Variants in NPSR1 observed in about 807,000 individuals in gnomAD.
NPSR1 encodes the protein neuropeptide S receptor 1.
Under a neutral mutation model 46.9 loss-of-function variants are expected in NPSR1, and 48 were observed. The observed-to-expected ratio is 1.02, with a 90% CI of 0.81 to 1.30. The LOEUF (loss-of-function observed/expected upper bound fraction) is 1.30. Ranked by LOEUF, NPSR1 falls within the 50% of genes most tolerant of loss-of-function variation. The pLI, the probability that NPSR1 is intolerant of heterozygous loss-of-function variation, is 0.00. For missense variants in NPSR1, 450 were observed against 449.5 expected (o/e 1.00, Z -0.01); for synonymous variants, 176 against 168.1 (o/e 1.05, Z -0.36).
chr7:34,826,278 A>G (rs1448324904), intron 4 of NPSR1, among the ~76,000 whole-genome samples: 1 of 152,186 alleles, frequency 6.6e-6, no homozygotes, highest in Non-Finnish European at 1.5e-5. Context: ...ATCTCTTTTC[A>G]GTGCATACAA....
At chr7:34,814,639 T>C (rs1159944685) in intron 4 of NPSR1, among the ~76,000 whole-genome samples, 1 of 152,216 alleles carries the variant, frequency 6.6e-6, no homozygotes, top group Non-Finnish European at 1.5e-5. Context: ...CATCTCCCAG[T>C]AGGGGCCAAC....
chr7:34,796,821 T>C (rs942286607), intron 3 of NPSR1, among the ~76,000 whole-genome samples: 1 of 152,204 alleles, frequency 6.6e-6, no homozygotes. Flanking sequence ...ATTGTGCTCC[T>C]GGGTATTTAC....
intron 2 of NPSR1, among the ~76,000 whole-genome samples, chr7:34,717,163 G>A (rs187298973): frequency 7.4e-4 from 112 of 152,218 alleles, no homozygotes; most frequent in Non-Finnish European, 1.5e-3. Context: ...ACAGAGTTTC[G>A]CTCTTGTTGC....
chr7:34,721,534 C>G (rs34144499), intron 2 of NPSR1, among the ~76,000 whole-genome samples: 1,737 of 152,286 alleles, frequency 0.011, 27 homozygotes, highest in African/African-American at 0.036. Flanking sequence ...ATTCTCTCAA[C>G]TAACACTTAT....
At chr7:34,767,347 T>C (rs1458115976) in intron 2 of NPSR1, among the ~76,000 whole-genome samples, 1 of 152,170 alleles carries the variant, frequency 6.6e-6, no homozygotes, top group Non-Finnish European at 1.5e-5. Context: ...CCATGATTAA[T>C]AGGTTAAAGT....
At chr7:34,872,381 T>C (rs754915007) in intron 8 of NPSR1, among the ~76,000 whole-genome samples, 38 of 151,994 alleles carry the variant, frequency 2.5e-4, no homozygotes, top group South Asian at 4.1e-4. Flanking sequence ...ACTTCTAAAG[T>C]GCCTTCAAGG....
chr7:34,809,503 G>A (rs111267907), intron 3 of NPSR1, among the ~76,000 whole-genome samples: 9,319 of 131,818 alleles, frequency 0.071, 895 homozygotes, highest in African/African-American at 0.23. Context: ...TCGCTCTGTC[G>A]CCCAGGCTGG....
At chr7:34,875,339 A>G (rs1447810093) in intron 8 of NPSR1, among the ~76,000 whole-genome samples, 2 of 152,234 alleles carry the variant, frequency 1.3e-5, no homozygotes, top group African/African-American at 4.8e-5. Flanking sequence ...CTAAACTTGC[A>G]TTTTAAAAAG....
At chr7:34,673,197 C>T (rs762609802) in intron 1 of NPSR1, among the ~76,000 whole-genome samples, 1 of 152,268 alleles carries the variant, frequency 6.6e-6, no homozygotes, top group Non-Finnish European at 1.5e-5. Flanking sequence ...ACATCTTTAT[C>T]ATAGAAGTTC....
chr7:34,856,679 T>C (rs1420020725), intron 8 of NPSR1, among the ~76,000 whole-genome samples: 1 of 151,720 alleles, frequency 6.6e-6, no homozygotes, highest in African/African-American at 2.4e-5. Context: ...GACTTTTGTT[T>C]GTGACAAAAG....
intron 2 of NPSR1, chr7:34,750,457 T>G: frequency 1.4e-6 from 1 of 737,494 alleles, no homozygotes. Flanking sequence ...AGTCATTGTC[T>G]GAGGCTGCAG....
At chr7:34,731,017 G>T (rs777840044) in intron 2 of NPSR1, among the ~76,000 whole-genome samples, 1 of 151,992 alleles carries the variant, frequency 6.6e-6, no homozygotes, top group African/African-American at 2.4e-5. Context: ...TCAATAACTC[G>T]CATAGAAAAA....
intron 2 of NPSR1, among the ~76,000 whole-genome samples, chr7:34,707,789 G>A (rs979044176): frequency 6.6e-6 from 1 of 152,202 alleles, no homozygotes; most frequent in African/African-American, 2.4e-5. Context: ...GTTATAGGAT[G>A]CTGTATTAGT....
intron 3 of NPSR1, among the ~76,000 whole-genome samples, chr7:34,809,790 C>A (rs1003607066): frequency 1.3e-5 from 2 of 152,136 alleles, no homozygotes; most frequent in African/African-American, 4.8e-5. Flanking sequence ...TCCCACCCTA[C>A]ACCCTCCTAT....
intron 8 of NPSR1, among the ~76,000 whole-genome samples, chr7:34,861,583 C>T (rs1791193111): frequency 6.6e-6 from 1 of 151,680 alleles, no homozygotes; most frequent in African/African-American, 2.4e-5. Context: ...TTGTTTTATT[C>T]AATGTTGTAT....
chr7:34,678,073 C>G (rs1792410093), intron 1 of NPSR1, among the ~76,000 whole-genome samples: 1 of 152,178 alleles, frequency 6.6e-6, no homozygotes, highest in Non-Finnish European at 1.5e-5. Context: ...ATCACAAGTG[C>G]TTTAACTTTT....
At chr7:34,829,318 C>T (rs1790010643) in intron 5 of NPSR1, among the ~76,000 whole-genome samples, 1 of 152,192 alleles carries the variant, frequency 6.6e-6, no homozygotes, top group Non-Finnish European at 1.5e-5. Context: ...GAATGGACAA[C>T]TTAACACCAA....
intron 3 of NPSR1, among the ~76,000 whole-genome samples, chr7:34,780,545 C>A (rs1306478749): frequency 1.6e-4 from 24 of 152,084 alleles, no homozygotes; most frequent in Admixed American, 1.6e-3. Context: ...TGGAAATTAA[C>A]CAAACACTTG....
chr7:34,876,233 A>G (rs956337743), intron 8 of NPSR1, among the ~76,000 whole-genome samples: 1 of 152,184 alleles, frequency 6.6e-6, no homozygotes, highest in Non-Finnish European at 1.5e-5. Flanking sequence ...GCTGTCCCAC[A>G]TCATGGAGCA....
Sources: allele counts gnomAD v4.1 joint callset (sites outside exome capture counted in the v4.1 genomes callset), GRCh38; gene constraint gnomAD v4.1.1; transcripts MANE v1.5; gene names NCBI Gene and HGNC (gene_info 2026-07-23, HGNC 2026-07-21).